ADAMTSL3: variants seen among roughly 807,000 people sequenced by gnomAD.
ADAMTSL3 encodes the protein ADAMTS-like protein 3.
Under a neutral mutation model 201.7 loss-of-function variants are expected in ADAMTSL3, and 128 were observed. The ratio of observed to expected loss-of-function variants is 0.63; its 90% CI spans 0.55 to 0.73. The LOEUF is 0.73. ADAMTSL3 is among the 30% of genes least tolerant of loss of function. The probability of loss-of-function intolerance (pLI) is 0.00; values close to 1 mark genes in which losing one functional copy is unlikely to be tolerated. For missense variants in ADAMTSL3, 1,990 were observed against 2,119.6 expected (o/e 0.94, Z 1.20); for synonymous variants, 738 against 748.4 (o/e 0.99, Z 0.23).
intron 2 of ADAMTSL3, among the ~76,000 whole-genome samples, chr15:83,662,420 T>G: frequency 1.5e-5 from 1 of 67,044 alleles, no homozygotes; most frequent in Non-Finnish European, 2.7e-5. Flanking sequence ...CTGGGGACTG[T>G]GGTGGGGTGG....
intron 11 of ADAMTSL3, 103 bp downstream of exon 11, chr15:83,890,350 T>C: frequency 6.9e-7 from 1 of 1,447,720 alleles, no homozygotes; most frequent in Admixed American, 2.2e-5. Context: ...ATTTCCTGGC[T>C]TTGTCTACTG....
At chr15:83,723,365 G>C (rs1292499356) in intron 3 of ADAMTSL3, among the ~76,000 whole-genome samples, 1 of 152,200 alleles carries the variant, frequency 6.6e-6, no homozygotes, top group Non-Finnish European at 1.5e-5. Flanking sequence ...GCTAAGTGCA[G>C]TGCTTTTGAT....
At chr15:83,987,228 A>T (rs549055595) in intron 21 of ADAMTSL3, among the ~76,000 whole-genome samples, 2 of 152,350 alleles carry the variant, frequency 1.3e-5, no homozygotes, top group South Asian at 4.1e-4. Flanking sequence ...GAGGTCTGCC[A>T]TACTCTTGTT....
intron 17 of ADAMTSL3, among the ~76,000 whole-genome samples, chr15:83,932,452 G>C (rs1417217157): frequency 6.6e-6 from 1 of 152,128 alleles, no homozygotes; most frequent in Non-Finnish European, 1.5e-5. Flanking sequence ...CAAGTCCTTA[G>C]ACCTTCAGAA....
At chr15:83,701,263 CT>C (rs2061773395) in intron 2 of ADAMTSL3, among the ~76,000 whole-genome samples, 1 of 152,122 alleles carries the variant, frequency 6.6e-6, no homozygotes, top group Admixed American at 6.5e-5. Flanking sequence ...TACTTTCCTC[CT>C]TGAAGCAATC....
Position 83,942,609 on chromosome 15 carries a change from T to G in ADAMTSL3, c.2131T>G (p.Ser711Ala). The G allele has an allele frequency of 6.2e-7, 1 of 1,613,030 alleles. No homozygotes were observed. The highest frequency in any genetic ancestry group is 1.1e-5 in the South Asian group (1 of 91,028). Residue 711 changes from serine (S) to alanine (A), a missense_variant, in exon 18 of 30, where the codon TCT becomes GCT. Ser to Ala is a moderately conservative substitution (Grantham distance 99, BLOSUM62 1). Transcript: ENST00000286744. ...TTTCTGTTTTAGGTGGCATGTGGGCTCTTGGGGGCCCTGCTCAGCTACCTG... is the reference window on the plus strand; with the variant it reads ...TTTCTGTTTTAGGTGGCATGTGGGCGCTTGGGGGCCCTGCTCAGCTACCTG... Reference protein sequence around the residue: ...EPCPPRWHVGSWGPCSATCGV... With the variant: ...EPCPPRWHVGAWGPCSATCGV...
intron 3 of ADAMTSL3, among the ~76,000 whole-genome samples, chr15:83,756,913 G>A (rs2062730543): frequency 6.6e-6 from 1 of 152,186 alleles, no homozygotes; most frequent in African/African-American, 2.4e-5. Flanking sequence ...GCTCCAAAAT[G>A]ATCTCCTTTG....
intron 20 of ADAMTSL3, among the ~76,000 whole-genome samples, chr15:83,971,444 C>T (rs534041701): frequency 2.6e-5 from 4 of 151,180 alleles, no homozygotes; most frequent in Admixed American, 6.6e-5. Context: ...GTAGTCCCAG[C>T]TACTCGAGAG....
chr15:83,926,828 G>T (rs1031728842), intron 17 of ADAMTSL3, among the ~76,000 whole-genome samples: 1 of 152,072 alleles, frequency 6.6e-6, no homozygotes, highest in South Asian at 2.1e-4. Flanking sequence ...TGTTGGCTAG[G>T]CTGGTCTCAA....
intron 3 of ADAMTSL3, among the ~76,000 whole-genome samples, chr15:83,741,403 G>C (rs1352515358): frequency 1.3e-5 from 2 of 151,936 alleles, no homozygotes; most frequent in Non-Finnish European, 2.9e-5. Context: ...CTCAACAGCT[G>C]TCATGAAGGC....
At chr15:83,912,030 G>A (rs576843192) in intron 15 of ADAMTSL3, among the ~76,000 whole-genome samples, 1 of 152,302 alleles carries the variant, frequency 6.6e-6, no homozygotes, top group South Asian at 2.1e-4. Context: ...ATCGAGCCCT[G>A]AGTTTTCAAA....
intron 15 of ADAMTSL3, among the ~76,000 whole-genome samples, 191 bp downstream of exon 15, chr15:83,899,922 C>G (rs1342769501): frequency 1.3e-5 from 2 of 152,152 alleles, no homozygotes; most frequent in African/African-American, 2.4e-5. Context: ...TTGGCAGTTT[C>G]TCTGAGCAGC....
At chr15:83,885,859 G>A (rs2065379249) in intron 10 of ADAMTSL3, among the ~76,000 whole-genome samples, 1 of 151,952 alleles carries the variant, frequency 6.6e-6, no homozygotes, top group Admixed American at 6.6e-5. Context: ...TGAGTAGCTG[G>A]GATTACAGGT....
At chr15:83,938,261 C>T (rs1331641968) in intron 17 of ADAMTSL3, among the ~76,000 whole-genome samples, 2 of 152,156 alleles carry the variant, frequency 1.3e-5, no homozygotes, top group African/African-American at 4.8e-5. Context: ...ACCACCAATG[C>T]CTGGTCCCAT....
chr15:83,795,254 A>ACAG (rs1023785083), intron 4 of ADAMTSL3, among the ~76,000 whole-genome samples: 157 of 97,394 alleles, frequency 1.6e-3, no homozygotes, highest in African/African-American at 5.2e-3. Flanking sequence ...AACAACAACA[A>ACAG]CAGCAGCAGC....
At chr15:83,938,077 A>G (rs959043375) in intron 17 of ADAMTSL3, among the ~76,000 whole-genome samples, 2 of 147,594 alleles carry the variant, frequency 1.4e-5, no homozygotes, top group Admixed American at 6.7e-5. Context: ...TTTATTGACT[A>G]TGGAAATCAA....
intron 2 of ADAMTSL3, among the ~76,000 whole-genome samples, chr15:83,690,596 CT>C (rs1288421441): frequency 6.6e-6 from 1 of 152,212 alleles, no homozygotes; most frequent in Non-Finnish European, 1.5e-5. Flanking sequence ...CTGTGCCCCC[CT>C]AGCACTCTGT....
intron 4 of ADAMTSL3, among the ~76,000 whole-genome samples, chr15:83,782,685 A>G (rs1354065063): frequency 2.6e-5 from 4 of 152,246 alleles, no homozygotes; most frequent in East Asian, 1.9e-4. Context: ...GAACACATGG[A>G]CACATACAGG....
intron 28 of ADAMTSL3, among the ~76,000 whole-genome samples, chr15:84,033,913 A>G (rs930250863): frequency 3.9e-5 from 6 of 152,246 alleles, no homozygotes; most frequent in African/African-American, 1.4e-4. Flanking sequence ...GTTTTAGACC[A>G]AGAGATATGA....
Sources: gnomAD v4.1 joint callset for allele counts (sites outside exome capture counted in the v4.1 genomes callset) on GRCh38, gnomAD v4.1.1 for gene constraint, MANE v1.5 for transcripts, NCBI Gene and HGNC (gene_info 2026-07-23, HGNC 2026-07-21) for gene names.